Variants in NSD1 observed in about 807,000 individuals in gnomAD.
The protein encoded by NSD1 is nuclear receptor binding SET domain protein 1, also known as histone-lysine N-methyltransferase, H3 lysine-36 specific.
A neutral mutation model predicts 242.7 loss-of-function variants in NSD1; 26 were observed. The observed-to-expected ratio is 0.11, with a 90% CI of 0.08 to 0.15. The LOEUF (loss-of-function observed/expected upper bound fraction) is 0.15. Ranked by LOEUF, NSD1 falls within the 10% of genes least tolerant of loss-of-function variation. The pLI is 1.00. For synonymous variants in NSD1, 1,106 were observed against 1,178.1 expected (o/e 0.94, Z 1.25); for missense variants, 2,495 against 3,272.8 (o/e 0.76, Z 5.80).
At chr5:177,165,599 C>CT (rs1368014267) in intron 2 of NSD1, among the ~76,000 whole-genome samples, 1 of 151,442 alleles carries the variant, frequency 6.6e-6, no homozygotes, top group Non-Finnish European at 1.5e-5. Context: ...CATTCTTTTT[C>CT]TTTCTCTTTT....
chr5:177,164,149 C>CTTT (rs56076836), intron 2 of NSD1, among the ~76,000 whole-genome samples: 90 of 138,388 alleles, frequency 6.5e-4, no homozygotes, highest in African/African-American at 1.2e-3. Flanking sequence ...AAAATGTAAC[C>CTTT]TTTTTTTTTT....
rs1051367587 is a variant in NSD1, at chr5:177,293,692, G to C, written c.6464-140G>C. The C allele has an allele frequency of 4.8e-6, 4 of 841,890 alleles. No individual in the cohort carries two copies. The African/African-American group carries it at 6.7e-5, about 14-fold the overall frequency. The allele number at this position is 841,890 out of a possible 1,614,324, so 52.2% of individuals were successfully genotyped here. A position where few individuals can be genotyped will look rare whatever the true frequency, so the allele number is the denominator to read the frequency against. On this transcript the variant is annotated intron_variant, in intron 22 of 22. Transcript: ENST00000439151. Reference sequence around the variant, plus strand: ...TGGAATTCTGGGGCAAGAGGTGGCTGGTGAGTGGCATAAGCTCTCTGAAGC... The same window carrying C: ...TGGAATTCTGGGGCAAGAGGTGGCTCGTGAGTGGCATAAGCTCTCTGAAGC...
At chr5:177,169,404 G>A (rs926031380) in intron 2 of NSD1, 5 of 155,536 alleles carry the variant, frequency 3.2e-5, no homozygotes, top group East Asian at 1.9e-4. Context: ...AATGGTCGAC[G>A]TTGAGCTCTT....
intron 4 of NSD1, among the ~76,000 whole-genome samples, chr5:177,209,273 A>T (rs1453812454): frequency 1.3e-5 from 2 of 151,596 alleles, no homozygotes; most frequent in Non-Finnish European, 2.9e-5. Flanking sequence ...CATAGCTGTA[A>T]TCCCAGCACT....
chr5:177,292,203 A>G (rs918816620), intron 22 of NSD1, 45 bp downstream of exon 22: 3 of 1,592,034 alleles, frequency 1.9e-6, no homozygotes, highest in Non-Finnish European at 2.6e-6. Context: ...TCTCTCCATC[A>G]TACTCAGGGT....
At chr5:177,136,413 A>G (rs753112437) in intron 2 of NSD1, 4 of 187,508 alleles carry the variant, frequency 2.1e-5, no homozygotes, top group Non-Finnish European at 4.5e-5. Flanking sequence ...TCCTGTTGCT[A>G]TATGTGGCAG....
chr5:177,235,257 A>G (rs1765353988), intron 5 of NSD1, among the ~76,000 whole-genome samples: 1 of 152,242 alleles, frequency 6.6e-6, no homozygotes. Context: ...TAGAAAATAA[A>G]TATTTTGTAA....
chr5:177,196,702 C>T (rs1221298312), intron 3 of NSD1, among the ~76,000 whole-genome samples: 1 of 151,838 alleles, frequency 6.6e-6, no homozygotes, highest in African/African-American at 2.4e-5. Flanking sequence ...TTTTTTGGGA[C>T]AAAAGATACT....
intron 2 of NSD1, among the ~76,000 whole-genome samples, chr5:177,151,616 C>T (rs1419229329): frequency 6.6e-6 from 1 of 151,652 alleles, no homozygotes; most frequent in Non-Finnish European, 1.5e-5. Context: ...CTCGGACTCC[C>T]AACCTCTGGT....
chr5:177,181,770 C>G (rs1760708818), intron 2 of NSD1, among the ~76,000 whole-genome samples: 2 of 151,420 alleles, frequency 1.3e-5, no homozygotes, highest in East Asian at 4.0e-4. Flanking sequence ...GGGTTCTGTG[C>G]TATTTCCTGT....
chr5:177,281,492 G>A (rs1418066645), intron 18 of NSD1, among the ~76,000 whole-genome samples: 1 of 152,048 alleles, frequency 6.6e-6, no homozygotes, highest in Non-Finnish European at 1.5e-5. Context: ...TGCTGGGGAT[G>A]CACTAACCAA....
intron 16 of NSD1, among the ~76,000 whole-genome samples, chr5:177,270,244 G>A (rs1757844552): frequency 6.6e-6 from 1 of 152,126 alleles, no homozygotes; most frequent in Non-Finnish European, 1.5e-5. Flanking sequence ...AACTAGTAAA[G>A]GTCAAAGCAT....
Position 177,204,286 on chromosome 5 carries a change from G to A in NSD1, c.1230G>A (p.Arg410=), listed in dbSNP as rs1312457601. The A allele has an allele frequency of 6.2e-7, 1 of 1,613,406 alleles. No individual in the cohort carries two copies. The highest frequency in any genetic ancestry group is 8.5e-7 in the Non-Finnish European group (1 of 1,179,668). The change falls in exon 4 of 23, where the codon AGG becomes AGA. Residue 410 remains arginine (R), a synonymous_variant. Transcript: ENST00000439151. ...GGAAACAGAAAGAAAAAGGATATAGGCATAAGGTAGGAAACGAAAAAGGCT... is the reference window on the plus strand; with the variant it reads ...GGAAACAGAAAGAAAAAGGATATAGACATAAGGTAGGAAACGAAAAAGGCT... ...RRGKQKEKGY[R]HKVPQKILSK... is the part of the protein sequence containing the mutation.
At chr5:177,220,701 G>T (rs2149863536) in intron 5 of NSD1, among the ~76,000 whole-genome samples, 1 of 150,824 alleles carries the variant, frequency 6.6e-6, no homozygotes, top group East Asian at 2.0e-4. Context: ...TTCCTGAGTA[G>T]CTGGGATTAC....
chr5:177,273,136 T>A (rs1758074228), intron 16 of NSD1, among the ~76,000 whole-genome samples: 1 of 152,122 alleles, frequency 6.6e-6, no homozygotes, highest in Non-Finnish European at 1.5e-5. Context: ...GCTAAGCAGA[T>A]GAAGCGTAGT....
At chr5:177,173,271 G>A (rs1385455914) in intron 2 of NSD1, among the ~76,000 whole-genome samples, 4 of 126,904 alleles carry the variant, frequency 3.2e-5, no homozygotes, top group African/African-American at 9.0e-5. Context: ...CAGCCTTGGC[G>A]AAAGAGCTAG....
intron 5 of NSD1, among the ~76,000 whole-genome samples, chr5:177,223,434 G>T (rs151204045): frequency 6.2e-4 from 94 of 152,044 alleles, no homozygotes; most frequent in African/African-American, 2.2e-3. Context: ...TTAGCCGGAT[G>T]TGGTAGCAGA....
In NSD1 at chr5:177,295,690, G is replaced by A. The variant is rs1760211561; in HGVS notation, c.*231G>A. 3.4e-6 allele frequency: 2 copies of A among 593,802 alleles called. No individual in the cohort carries two copies. Among genetic ancestry groups the A allele is most frequent in the South Asian group, 3.9e-5 (2 of 50,910 alleles). 36.8% of individuals were successfully genotyped at this position (593,802 alleles called of 1,614,324 possible). A position where few individuals can be genotyped will look rare whatever the true frequency, so the allele number is the denominator to read the frequency against. ...CCAGTGGGCCCCAACCAAGGAGACAGACAGACTTGGGTCTCTTTCCCCCAA... is the reference window on the plus strand; with the variant it reads ...CCAGTGGGCCCCAACCAAGGAGACAAACAGACTTGGGTCTCTTTCCCCCAA... On this transcript the variant is annotated 3_prime_UTR_variant, in exon 23 of 23. Coordinates refer to ENST00000439151, the MANE Select transcript of NSD1 (RefSeq NM_022455.5). This position sits in a 1 kb window ranked among gnomAD's most constrained non-coding sequence, Gnocchi z 4.3.
intron 12 of NSD1, among the ~76,000 whole-genome samples, chr5:177,255,204 C>G (rs767728997): frequency 2.6e-4 from 40 of 151,916 alleles, no homozygotes; most frequent in Non-Finnish European, 4.6e-4. Flanking sequence ...ACTTGGGAGG[C>G]TAAGTCACGA....
Sources: allele counts gnomAD v4.1 joint callset (sites outside exome capture counted in the v4.1 genomes callset), GRCh38; gene constraint gnomAD v4.1.1; non-coding constraint Gnocchi (gnomAD v3.1); transcripts MANE v1.5; gene names NCBI Gene and HGNC (gene_info 2026-07-23, HGNC 2026-07-21).